The following CEP162 variants were observed in gnomAD, a reference collection of about 807,000 sequenced individuals.
CEP162 encodes the protein centrosomal protein 162, also known as centrosomal protein of 162 kDa.
In CEP162, 141 loss-of-function variants were observed where a neutral mutation model predicts 169.2. That is an observed-to-expected ratio of 0.83 (90% CI 0.73 to 0.96). The LOEUF (loss-of-function observed/expected upper bound fraction) is 0.96, where lower values mean the gene tolerates loss of function less well. CEP162 is among the 40% of genes least tolerant of loss of function. The pLI, the probability that CEP162 is intolerant of heterozygous loss-of-function variation, is 0.00. For missense variants in CEP162, 1,600 were observed against 1,587.2 expected (o/e 1.01, Z -0.14); for synonymous variants, 540 against 526.4 (o/e 1.03, Z -0.35).
At chr6:84,137,346 C>A (rs1007453916) in intron 25 of CEP162, among the ~76,000 whole-genome samples, 4 of 152,048 alleles carry the variant, frequency 2.6e-5, no homozygotes, top group African/African-American at 9.7e-5. Flanking sequence ...AGAATTTAAA[C>A]CCAGATCTTA....
chr6:84,126,230 G>T, intron 26 of CEP162, 148 bp downstream of exon 26: 1 of 522,120 alleles, frequency 1.9e-6, no homozygotes, highest in Non-Finnish European at 3.0e-6. Flanking sequence ...TCTGGTAAAA[G>T]TTATAAATTT....
intron 13 of CEP162, among the ~76,000 whole-genome samples, chr6:84,181,610 C>T (rs533742878): frequency 1.9e-4 from 29 of 152,174 alleles, no homozygotes; most frequent in East Asian, 3.9e-4. Flanking sequence ...TTGGAACCCA[C>T]GAAACCTTCT....
intron 25 of CEP162, among the ~76,000 whole-genome samples, chr6:84,132,678 T>C (rs984893638): frequency 2.6e-5 from 4 of 152,198 alleles, no homozygotes; most frequent in Non-Finnish European, 5.9e-5. Context: ...TCTCGTGCCA[T>C]GGTTTTCAGC....
At chr6:84,134,001 G>C (rs1315190523) in intron 25 of CEP162, among the ~76,000 whole-genome samples, 1 of 152,090 alleles carries the variant, frequency 6.6e-6, no homozygotes, top group African/African-American at 2.4e-5. Flanking sequence ...TTTCAGATGG[G>C]GGTTTTTTCT....
intron 6 of CEP162, among the ~76,000 whole-genome samples, chr6:84,204,929 G>A (rs975618897): frequency 7.9e-5 from 12 of 152,108 alleles, no homozygotes; most frequent in Non-Finnish European, 2.9e-5. Flanking sequence ...ACCACCATCG[G>A]AGAATACTAT....
chr6:84,130,955 T>C (rs529383375), intron 25 of CEP162, among the ~76,000 whole-genome samples: 51 of 152,214 alleles, frequency 3.4e-4, no homozygotes, highest in African/African-American at 1.2e-3. Flanking sequence ...GTTAGGGTGT[T>C]GATTTTAGAT....
At chr6:84,186,969 C>A (rs2099537454) in intron 11 of CEP162, among the ~76,000 whole-genome samples, 1 of 152,026 alleles carries the variant, frequency 6.6e-6, no homozygotes, top group Non-Finnish European at 1.5e-5. Flanking sequence ...TGTAATATAT[C>A]TTTTATCTAC....
rs2099508414 is a variant in CEP162 at position 84,125,184 on chromosome 6, C to T, written c.4098G>A (p.Leu1366=). The T allele has an allele frequency of 6.2e-7, 1 of 1,613,672 alleles. No individual in the cohort carries two copies. The highest frequency in any genetic ancestry group is 8.5e-7 in the Non-Finnish European group (1 of 1,179,706). ...KRLAQLKNRE[L]EKFRTELDSI... ...AGTCTAGTTCTGTGCGGAACTTCTC[C>T]AGCTCACGATTCTTTAACTGTGCCA... The change falls in exon 27 of 27, where the codon CTG becomes CTA. Residue 1366 remains leucine, a synonymous_variant. Transcript: ENST00000403245.
rs116272380 is a variant in CEP162, at chr6:84,124,270, T to C, written c.*800A>G. 116 of 152,256 alleles carry C rather than the reference T, an allele frequency of 7.6e-4. No individual in the cohort carries two copies. The highest frequency in any genetic ancestry group is 2.7e-3 in the African/African-American group (111 of 41,540). The allele number at this position is 152,256 out of a possible 1,614,324, so 9.4% of individuals were successfully genotyped here. A position where few individuals can be genotyped will look rare whatever the true frequency, so the allele number is the denominator to read the frequency against. On this transcript the variant is annotated 3_prime_UTR_variant, in exon 27 of 27. Coordinates refer to ENST00000403245, the MANE Select transcript of CEP162 (RefSeq NM_014895.4). ...AAAGATATCTGTACATGTATGTTTA[T>C]TGCAGCAATATTTACAATAGCAAAT...
chr6:84,164,086 A>C (rs535010701), intron 18 of CEP162, among the ~76,000 whole-genome samples: 302 of 152,272 alleles, frequency 2.0e-3, no homozygotes, highest in Non-Finnish European at 3.6e-3. Context: ...TGCGGTCAAC[A>C]AACATATGAA....
chr6:84,214,974 T>C (rs1444141610), intron 5 of CEP162, among the ~76,000 whole-genome samples: 1 of 152,210 alleles, frequency 6.6e-6, no homozygotes, highest in Non-Finnish European at 1.5e-5. Flanking sequence ...ACCTGGACTC[T>C]CTTTATTTGT....
chr6:84,179,140 T>C (rs1235174406), intron 13 of CEP162, among the ~76,000 whole-genome samples: 1 of 152,236 alleles, frequency 6.6e-6, no homozygotes, highest in East Asian at 1.9e-4. Flanking sequence ...TCTGTCTTTA[T>C]AGTAGAATGA....
chr6:84,155,521 A>G lies in CEP162; in HGVS notation c.2782-11T>C. ...TTCCATTTCCTTAACCTATTAAAAC[A>G]TATTTTCCACCAAAGAACACTTAGA... is the stretch of plus-strand genomic sequence containing the variant. On this transcript the variant is annotated splice_polypyrimidine_tract_variant and intron_variant, in intron 21 of 26. Transcript: ENST00000403245. The G allele has an allele frequency of 6.5e-7, 1 of 1,549,584 alleles. No homozygotes were observed. The highest frequency in any genetic ancestry group is 8.9e-7 in the Non-Finnish European group (1 of 1,129,752).
intron 25 of CEP162, 35 bp from the exon 26 acceptor site, chr6:84,126,547 A>T (rs1248835570): frequency 1.4e-6 from 2 of 1,400,266 alleles, no homozygotes; most frequent in African/African-American, 1.5e-5. Flanking sequence ...GAAAAACTAT[A>T]ATCACAAGAA....
intron 17 of CEP162, 102 bp downstream of exon 17, chr6:84,171,504 T>C (rs1359894307): frequency 1.7e-5 from 8 of 469,906 alleles, no homozygotes; most frequent in Non-Finnish European, 2.9e-5. Context: ...AAAAATAAAA[T>C]TTTACTATGT....
chr6:84,141,526 C>T (rs955579846), intron 25 of CEP162, among the ~76,000 whole-genome samples: 9 of 152,110 alleles, frequency 5.9e-5, no homozygotes, highest in Non-Finnish European at 1.2e-4. Flanking sequence ...AACATCTTTC[C>T]TCAAAATCCA....
intron 3 of CEP162, among the ~76,000 whole-genome samples, chr6:84,216,653 T>C (rs1169329188): frequency 1.3e-5 from 2 of 152,228 alleles, no homozygotes; most frequent in Non-Finnish European, 2.9e-5. Context: ...GAAATTATTA[T>C]AGATATTTCT....
chr6:84,197,820 C>CAAA (rs2099542788), intron 9 of CEP162, among the ~76,000 whole-genome samples: 1 of 43,322 alleles, frequency 2.3e-5, no homozygotes. Context: ...CTGCCTCAAA[C>CAAA]AAAACAAAAA....
intron 10 of CEP162, 127 bp downstream of exon 10, chr6:84,194,757 A>C (rs9449834): frequency 1.3e-6 from 1 of 799,214 alleles, no homozygotes; most frequent in Admixed American, 3.1e-5. Context: ...TGGCTGAAAA[A>C]ATTTCTTTAA....
Sources: allele counts gnomAD v4.1 joint callset (sites outside exome capture counted in the v4.1 genomes callset), GRCh38; gene constraint gnomAD v4.1.1; transcripts MANE v1.5; gene names NCBI Gene and HGNC (gene_info 2026-07-23, HGNC 2026-07-21).